RBFOX1: variants seen among roughly 807,000 people sequenced by gnomAD.
RBFOX1 encodes RNA binding protein fox-1 homolog 1.
RBFOX1 carries 8 observed loss-of-function variants against 57.7 expected under a neutral mutation model. That is an observed-to-expected ratio of 0.14 (90% CI 0.08 to 0.25). The LOEUF is 0.25. RBFOX1 is among the 10% of genes least tolerant of loss of function. The pLI is 1.00. For missense variants in RBFOX1, 611 were observed against 548.5 expected (o/e 1.11, Z -1.14); for synonymous variants, 326 against 222.4 (o/e 1.47, Z -4.15).
At chr16:5,784,663 G>T (rs995662723) in intron 3 of RBFOX1, among the ~76,000 whole-genome samples, 1 of 152,092 alleles carries the variant, frequency 6.6e-6, no homozygotes, top group African/African-American at 2.4e-5. Flanking sequence ...ATGAGATTTG[G>T]GTGACGACAC....
At chr16:5,587,162 A>G (rs1055009146) in intron 2 of RBFOX1, among the ~76,000 whole-genome samples, 4 of 152,222 alleles carry the variant, frequency 2.6e-5, no homozygotes, top group African/African-American at 7.2e-5. Context: ...TGAGCAACCC[A>G]TTGAGTTGGG....
intron 10 of RBFOX1, among the ~76,000 whole-genome samples, chr16:7,608,968 T>C (rs2056887403): frequency 6.6e-6 from 1 of 152,138 alleles, no homozygotes; most frequent in Non-Finnish European, 1.5e-5. Context: ...GGGGTGTTAA[T>C]TTCTGGGATC....
intron 2 of RBFOX1, among the ~76,000 whole-genome samples, chr16:6,516,446 G>A (rs1365635514): frequency 6.6e-6 from 1 of 152,144 alleles, no homozygotes; most frequent in African/African-American, 2.4e-5. Context: ...TTCAACAGTA[G>A]CACTCAACAG....
chr16:7,240,506 C>T (rs899744778), intron 4 of RBFOX1, among the ~76,000 whole-genome samples: 4 of 152,010 alleles, frequency 2.6e-5, no homozygotes, highest in African/African-American at 9.7e-5. Flanking sequence ...GTATTGATTT[C>T]TGTTTCTAAA....
At chr16:6,090,923 A>G (rs990530857) in intron 1 of RBFOX1, among the ~76,000 whole-genome samples, 1 of 152,214 alleles carries the variant, frequency 6.6e-6, no homozygotes, top group South Asian at 2.1e-4. Flanking sequence ...TAAAAAAAGT[A>G]TTGATTCATA....
At chr16:7,429,678 T>C (rs1384498754) in intron 4 of RBFOX1, among the ~76,000 whole-genome samples, 1 of 152,178 alleles carries the variant, frequency 6.6e-6, no homozygotes, top group Non-Finnish European at 1.5e-5. Flanking sequence ...TCATGGGACA[T>C]GGCAAAGGTA....
intron 11 of RBFOX1, among the ~76,000 whole-genome samples, chr16:7,650,275 A>G (rs62013670): frequency 0.071 from 10,758 of 151,346 alleles, 447 homozygotes; most frequent in Middle Eastern, 0.13. Flanking sequence ...CCCTTTCTCC[A>G]TGAAGCCTCT....
intron 3 of RBFOX1, among the ~76,000 whole-genome samples, chr16:5,727,284 AAAAC>A (rs1423703384): frequency 5.3e-5 from 8 of 152,202 alleles, no homozygotes; most frequent in Non-Finnish European, 7.3e-5. Context: ...AAAAAAATGA[AAAAC>A]AAACAAACAA....
intron 1 of RBFOX1, among the ~76,000 whole-genome samples, chr16:5,259,531 G>C (rs2062678599): frequency 6.6e-6 from 1 of 152,190 alleles, no homozygotes; most frequent in Non-Finnish European, 1.5e-5. Context: ...TGATGTCTGG[G>C]TCATTTCAGC....
intron 1 of RBFOX1, among the ~76,000 whole-genome samples, chr16:6,188,891 G>A (rs896995022): frequency 2.7e-5 from 4 of 146,188 alleles, no homozygotes. Flanking sequence ...ACACCAGTCT[G>A]CTTTTCTTTT....
chr16:7,375,828 T>A (rs1482509342), intron 4 of RBFOX1, among the ~76,000 whole-genome samples: 1 of 152,210 alleles, frequency 6.6e-6, no homozygotes, highest in Non-Finnish European at 1.5e-5. Context: ...ATTAAGACAC[T>A]AGCAATAATT....
chr16:5,671,309 A>G (rs2050005639), intron 3 of RBFOX1, among the ~76,000 whole-genome samples: 1 of 152,216 alleles, frequency 6.6e-6, no homozygotes, highest in South Asian at 2.1e-4. Flanking sequence ...AGGGGGAGAG[A>G]CATGATCATC....
chr16:6,528,785 T>G (rs998106598), intron 2 of RBFOX1, among the ~76,000 whole-genome samples: 3 of 152,154 alleles, frequency 2.0e-5, no homozygotes, highest in Admixed American at 2.0e-4. Context: ...AGCACCTTGC[T>G]TCAACCCACT....
chr16:5,986,730 G>A (rs898087195), intron 4 of RBFOX1, among the ~76,000 whole-genome samples: 3 of 151,956 alleles, frequency 2.0e-5, no homozygotes, highest in Non-Finnish European at 4.4e-5. Context: ...CCCTTTCATT[G>A]CTGAATAGTG....
chr16:5,576,524 A>G (rs1367459490), intron 2 of RBFOX1, among the ~76,000 whole-genome samples: 2 of 152,150 alleles, frequency 1.3e-5, no homozygotes, highest in Non-Finnish European at 2.9e-5. Context: ...GAAAGTGATA[A>G]TTTCCCAGAT....
chr16:5,862,028 T>C (rs891865633), intron 3 of RBFOX1, among the ~76,000 whole-genome samples: 1 of 152,222 alleles, frequency 6.6e-6, no homozygotes, highest in Admixed American at 6.5e-5. Flanking sequence ...ACGGCCATTC[T>C]CTGTGTCTGG....
chr16:5,254,082 G>C (rs1324651284), intron 1 of RBFOX1, among the ~76,000 whole-genome samples: 1 of 152,212 alleles, frequency 6.6e-6, no homozygotes, highest in Non-Finnish European at 1.5e-5. Flanking sequence ...GCCTGTTTCT[G>C]ATTCTCATTT....
intron 1 of RBFOX1, among the ~76,000 whole-genome samples, chr16:5,328,863 A>G (rs989233303): frequency 6.6e-6 from 1 of 152,232 alleles, no homozygotes; most frequent in African/African-American, 2.4e-5. Flanking sequence ...AGACAGGGAA[A>G]TTAACCATTA....
At chr16:7,523,890 C>A (rs1005725158) in intron 5 of RBFOX1, among the ~76,000 whole-genome samples, 1 of 152,178 alleles carries the variant, frequency 6.6e-6, no homozygotes, top group Admixed American at 6.5e-5. Flanking sequence ...CCTCCTCCTA[C>A]ATTTATGGGG....
Sources: allele counts gnomAD v4.1 joint callset (sites outside exome capture counted in the v4.1 genomes callset), GRCh38; gene constraint gnomAD v4.1.1; transcripts MANE v1.5; gene names NCBI Gene and HGNC (gene_info 2026-07-23, HGNC 2026-07-21).